TSKS: variants seen among roughly 807,000 people sequenced by gnomAD.
TSKS encodes testis-specific serine kinase substrate.
Under a neutral mutation model 68.0 loss-of-function variants are expected in TSKS, and 27 were observed. The observed-to-expected ratio is 0.40, with a 90% CI of 0.29 to 0.55. The LOEUF is 0.55. TSKS is among the 20% of genes least tolerant of loss of function. The pLI is 0.53. For synonymous variants in TSKS, 331 were observed against 340.4 expected (o/e 0.97, Z 0.30); for missense variants, 806 against 776.0 (o/e 1.04, Z -0.46).
chr19:49,746,820 G>A (rs1568562386), intron 5 of TSKS, 22 bp from the exon 6 acceptor site: 2 of 1,592,536 alleles, frequency 1.3e-6, no homozygotes, highest in South Asian at 1.1e-5. Context: ...GGGAGGACGG[G>A]GTCACAGCGT....
At chr19:49,746,373 C>T in intron 6 of TSKS, 97 bp downstream of exon 6, 5 of 1,436,976 alleles carry the variant, frequency 3.5e-6, no homozygotes, top group Non-Finnish European at 3.8e-6. Flanking sequence ...TTGAGAACCC[C>T]CGTCCCTTGG....
chr19:49,739,790 C>T lies in TSKS; in HGVS notation c.1765G>A (p.Ala589Thr), dbSNP rs759382526. ...AGTPPKQGGS[A>T]PEQ ...TGAGAGGCCATTTATTGTTCAGGGGCTGAGCCCCCCTGTTTTGGGGGGGTT... is the reference window on the plus strand; with the variant it reads ...TGAGAGGCCATTTATTGTTCAGGGGTTGAGCCCCCCTGTTTTGGGGGGGTT... Residue 589 changes from alanine to threonine, a missense_variant, in exon 11 of 11, where the codon GCC becomes ACC. By Grantham distance (58) the Ala-to-Thr change is moderately conservative. Transcript: ENST00000246801. The T allele has an allele frequency of 4.7e-6, 7 of 1,481,432 alleles. No homozygotes were observed. In the East Asian group the frequency reaches 1.4e-4, roughly 29 times the overall value. 91.8% of individuals were successfully genotyped at this position (1,481,432 alleles called of 1,614,324 possible).
intron 2 of TSKS, among the ~76,000 whole-genome samples, chr19:49,759,559 TG>T (rs1191417713): frequency 1.4e-5 from 2 of 143,108 alleles, no homozygotes; most frequent in East Asian, 4.2e-4. Context: ...CACCTGGGCC[TG>T]GGGAGGCCAA....
intron 2 of TSKS, among the ~76,000 whole-genome samples, chr19:49,751,301 C>CAAAA (rs55750605): frequency 8.5e-5 from 3 of 35,104 alleles, no homozygotes; most frequent in Non-Finnish European, 1.7e-4. Context: ...GATTCCATCT[C>CAAAA]AAAAAAAAAA....
chr19:49,742,794 G>A (rs535843778), intron 8 of TSKS, among the ~76,000 whole-genome samples: 15 of 151,998 alleles, frequency 9.9e-5, no homozygotes, highest in Admixed American at 9.8e-4. Flanking sequence ...ACCACGCCCA[G>A]CCAGAGTCAC....
Position 49,739,933 on chromosome 19 carries a change from C to A in TSKS, c.1623-1G>T. 6.2e-7 allele frequency: 1 copy of A among 1,610,472 alleles called. No homozygotes were observed. The highest frequency in any genetic ancestry group is 8.5e-7 in the Non-Finnish European group (1 of 1,177,324). ...ATGGTCCAGAGTGGCCATCTTCTCC[C>A]TGTCATGAGGCAGCGGGGAGTTGAT... is the stretch of plus-strand genomic sequence containing the variant. On this transcript the variant is annotated splice_acceptor_variant, in intron 10 of 10. Transcript: ENST00000246801. LOFTEE classifies it high-confidence loss of function.
rs553838834 is a variant in TSKS, at chr19:49,742,814, G to T, written c.1362-794C>A. ...GCCCAGCCAGAGTCACTATTCCTAA[G>T]GGCACCAGACAGCCCTCAGTTTGCA... On this transcript the variant is annotated intron_variant, in intron 8 of 10. Coordinates refer to ENST00000246801, the MANE Select transcript of TSKS (RefSeq NM_021733.2). 5.3e-5 allele frequency among the ~76,000 whole-genome samples: 8 copies of T among 151,894 alleles called. No individual in the cohort carries two copies. The East Asian group carries it at 1.6e-3, about 30-fold the overall frequency.
At chr19:49,743,585 C>A (rs1436907178) in intron 8 of TSKS, among the ~76,000 whole-genome samples, 2 of 151,146 alleles carry the variant, frequency 1.3e-5, no homozygotes, top group African/African-American at 4.9e-5. Flanking sequence ...GCAAGCTCCA[C>A]CTCCCGGATT....
chr19:49,757,255 T>C (rs2084399410), intron 2 of TSKS, among the ~76,000 whole-genome samples: 1 of 152,158 alleles, frequency 6.6e-6, no homozygotes, highest in Admixed American at 6.6e-5. Context: ...CCCATTTTGG[T>C]AGCACAACCT....
At chr19:49,762,732 T>C (rs1236063678) in intron 1 of TSKS, among the ~76,000 whole-genome samples, 2 of 151,968 alleles carry the variant, frequency 1.3e-5, no homozygotes, top group East Asian at 1.9e-4. Context: ...CGACCACCAC[T>C]GTCTACTTTC....
chr19:49,739,827 G>A lies in TSKS; in HGVS notation c.1728C>T (p.Gly576=), dbSNP rs2084236002. The part of the protein sequence containing the change: ...LEGSTGTMGG[G]SSAGTPPKQG... ...GTTTTGGGGGGGTTCCTGCACTGCT[G>A]CCTCCCCCCATTGTTCCCGTGGACC... The change falls in exon 11 of 11, where the codon GGC becomes GGT. Residue 576 remains glycine, a synonymous_variant. Coordinates refer to ENST00000246801, the MANE Select transcript of TSKS (RefSeq NM_021733.2). 5 of 1,610,592 alleles carry A rather than the reference G, an allele frequency of 3.1e-6. No individual in the cohort carries two copies. The highest frequency in any genetic ancestry group is 4.2e-6 in the Non-Finnish European group (5 of 1,176,954).
chr19:49,747,183 T>C, intron 5 of TSKS: 2 of 1,536,580 alleles, frequency 1.3e-6, no homozygotes, highest in Non-Finnish European at 1.7e-6. Flanking sequence ...GGGACCTGAA[T>C]GTGACTGCAG....
chr19:49,745,755 G>C (rs1600189531), intron 6 of TSKS, among the ~76,000 whole-genome samples: 1 of 152,158 alleles, frequency 6.6e-6, no homozygotes, highest in South Asian at 2.1e-4. Context: ...GCCCACCTCA[G>C]TTTCACCAGG....
At chr19:49,762,585 C>T (rs541716658) in intron 1 of TSKS, among the ~76,000 whole-genome samples, 5 of 152,162 alleles carry the variant, frequency 3.3e-5, no homozygotes, top group East Asian at 1.9e-4. Flanking sequence ...TGTGCCATCA[C>T]GCCCAGCTAA....
chr19:49,757,544 C>A (rs187522648), intron 2 of TSKS, among the ~76,000 whole-genome samples: 88 of 152,270 alleles, frequency 5.8e-4, no homozygotes, highest in Non-Finnish European at 2.2e-4. Context: ...AGCCGTATGA[C>A]CTCATGGAGA....
intron 2 of TSKS, among the ~76,000 whole-genome samples, chr19:49,757,000 C>T (rs530950994): frequency 1.3e-5 from 2 of 152,180 alleles, no homozygotes; most frequent in Non-Finnish European, 2.9e-5. Flanking sequence ...GCACAGGCTG[C>T]AGTAAGCCGA....
At chr19:49,741,403 G>T (rs1217501358) in intron 9 of TSKS, among the ~76,000 whole-genome samples, 2 of 152,052 alleles carry the variant, frequency 1.3e-5, no homozygotes. Flanking sequence ...ACCAACTATT[G>T]GGCTGAGTGT....
At chr19:49,755,980 G>A (rs956669326) in intron 2 of TSKS, among the ~76,000 whole-genome samples, 3 of 151,942 alleles carry the variant, frequency 2.0e-5, no homozygotes, top group African/African-American at 4.8e-5. Flanking sequence ...TAGTGTGGGC[G>A]ACAGAGCGAG....
Position 49,746,472 on chromosome 19 carries a change from C to T in TSKS, c.990G>A (p.Leu330=), listed in dbSNP as rs2084301286. ...CTCCGCCCCTAGGTCCCGCCCACCT[C>T]AGCTCTTCGATGCCGGTGAACAGCT... The part of the protein sequence containing the change: ...LQKLFTGIEE[L]RREVSSLTAR... The change falls in exon 6 of 11, where the codon CTG becomes CTA. Residue 330 remains leucine (L), a splice_region_variant and synonymous_variant. Transcript: ENST00000246801. 1.2e-6 allele frequency: 2 copies of T among 1,613,818 alleles called. No homozygotes were observed. The highest frequency in any genetic ancestry group is 1.3e-5 in the African/African-American group (1 of 74,948).
Sources: allele counts gnomAD v4.1 joint callset (sites outside exome capture counted in the v4.1 genomes callset), GRCh38; gene constraint gnomAD v4.1.1; transcripts MANE v1.5; gene names NCBI Gene and HGNC (gene_info 2026-07-23, HGNC 2026-07-21).